TMPRSS13: variants seen among roughly 807,000 people sequenced by gnomAD.
TMPRSS13 encodes the protein transmembrane protease serine 13.
TMPRSS13 carries 50 observed loss-of-function variants against 68.4 expected under a neutral mutation model. The ratio of observed to expected loss-of-function variants is 0.73; its 90% confidence interval spans 0.58 to 0.93. TMPRSS13 has a LOEUF of 0.93. TMPRSS13 is among the 40% of genes least tolerant of loss of function. TMPRSS13 has a pLI of 0.00. For missense variants in TMPRSS13, 615 were observed against 729.2 expected (o/e 0.84, Z 1.80); for synonymous variants, 267 against 285.8 (o/e 0.93, Z 0.66).
rs2057490628 is a variant in TMPRSS13 at position 117,908,792 on chromosome 11, A to T, written c.1110-8T>A. 6.3e-7 allele frequency: 1 copy of T among 1,596,638 alleles called. No homozygotes were observed. Among genetic ancestry groups the T allele is most frequent in the Admixed American group, 1.7e-5 (1 of 58,068 alleles). ...AGGACCTTCTCCCGGGTCCTGCAAG[A>T]GCCACAAAGGAGCGTGGTCCAGTAC... is the stretch of plus-strand genomic sequence containing the variant. On this transcript the variant is annotated splice_polypyrimidine_tract_variant and splice_region_variant and intron_variant, in intron 8 of 12. Transcript: ENST00000524993.
chr11:117,919,890 C>T (rs375213271), intron 1 of TMPRSS13, among the ~76,000 whole-genome samples: 6 of 152,250 alleles, frequency 3.9e-5, no homozygotes, highest in East Asian at 1.9e-4. Context: ...TCGTGAACCA[C>T]GTGTACAGAG....
At chr11:117,911,929 C>G in intron 5 of TMPRSS13, 69 bp from the exon 6 acceptor site, 1 of 1,319,912 alleles carries the variant, frequency 7.6e-7, no homozygotes, top group Non-Finnish European at 1.1e-6. Context: ...CTCCAGCAGG[C>G]TAGAGCCCCA....
rs769777946 is a variant in TMPRSS13 at position 117,922,383 on chromosome 11, C to T, written c.22-3545G>A. Among the ~76,000 whole-genome samples, 17 of 152,284 alleles carry T rather than the reference C, an allele frequency of 1.1e-4. No individual in the cohort carries two copies. Among genetic ancestry groups the T allele is most frequent in the African/African-American group, 2.4e-4 (10 of 41,550 alleles). On this transcript the variant is annotated intron_variant, in intron 1 of 12. Transcript: ENST00000524993. The surrounding 1 kb of genome is among the most constrained non-coding windows in gnomAD (Gnocchi z 4.2). ...CTGAGTACCTGGGACTACAGGCACG[C>T]GCCACTGTGCCCAGCTAATTTTTGT... is the stretch of plus-strand genomic sequence containing the variant.
Position 117,914,523 on chromosome 11 carries a change from A to G in TMPRSS13, c.557-9T>C. 1 of 1,613,750 alleles carries G rather than the reference A, an allele frequency of 6.2e-7. No individual in the cohort carries two copies. The highest frequency in any genetic ancestry group is 8.5e-7 in the Non-Finnish European group (1 of 1,179,946). ...GCCCTGCCAGAACTGGACTAGAGAA[A>G]AAGAAGCAGACAGCTGGGTCATGGC... On this transcript the variant is annotated splice_polypyrimidine_tract_variant and intron_variant, in intron 3 of 12. Coordinates refer to ENST00000524993, the MANE Select transcript of TMPRSS13 (RefSeq NM_001077263.3). This position sits in a 1 kb window ranked among gnomAD's most constrained non-coding sequence, Gnocchi z 4.2.
intron 12 of TMPRSS13, 137 bp downstream of exon 12, chr11:117,903,518 T>C: frequency 2.6e-6 from 4 of 1,552,396 alleles, no homozygotes; most frequent in East Asian, 2.4e-5. Flanking sequence ...GGCATCACAT[T>C]TGACCCTGTC....
rs75896504 is a variant in TMPRSS13, at chr11:117,914,231, G to A, written c.679+161C>T. ...CATGCACACATGCACACACACATAC[G>A]TGCACACACACATACATGCATACAC... On this transcript the variant is annotated intron_variant, in intron 4 of 12. Transcript: ENST00000524993. This position sits in a 1 kb window ranked among gnomAD's most constrained non-coding sequence, Gnocchi z 4.2. Among the ~76,000 whole-genome samples the A allele has an allele frequency of 0.056, 8,479 of 151,952 alleles. 348 individuals are homozygous for A. Among genetic ancestry groups the A allele is most frequent in the East Asian group, 0.12 (619 of 5,168 alleles).
chr11:117,908,116 T>C, intron 9 of TMPRSS13: 1 of 1,044,528 alleles, frequency 9.6e-7, no homozygotes, highest in Non-Finnish European at 1.2e-6. Flanking sequence ...TGCTTGGGAA[T>C]CAGATCGACC....
At chr11:117,905,566 C>T in intron 10 of TMPRSS13, 72 bp downstream of exon 10, 1 of 1,312,606 alleles carries the variant, frequency 7.6e-7, no homozygotes. Flanking sequence ...AGACACATTG[C>T]TTACACACGC....
chr11:117,908,883 G>T, intron 8 of TMPRSS13, 99 bp from the exon 9 acceptor site: 1 of 1,224,568 alleles, frequency 8.2e-7, no homozygotes, highest in Non-Finnish European at 1.1e-6. Flanking sequence ...GCACCAGCTT[G>T]GAGGCAGGAG....
chr11:117,914,448 G>A lies in TMPRSS13; in HGVS notation c.623C>T (p.Ala208Val). The change falls in exon 4 of 13, where the codon GCT becomes GTT. Residue 208 changes from alanine (A) to valine (V), a missense_variant. Coordinates refer to ENST00000524993, the MANE Select transcript of TMPRSS13 (RefSeq NM_001077263.3). The surrounding 1 kb of genome is among the most constrained non-coding windows in gnomAD (Gnocchi z 4.2). ...KEQRESCPKH[A>V]VRCDGVVDCK... ...GTCCACCACCCCGTCACAGCGAACA[G>A]CGTGCTTGGGACAGCTCTCCCTCTG... 6.2e-7 allele frequency: 1 copy of A among 1,614,056 alleles called. No homozygotes were observed. Among genetic ancestry groups the A allele is most frequent in the Non-Finnish European group, 8.5e-7 (1 of 1,180,024 alleles).
chr11:117,902,059 AATGCACACAT>A lies in TMPRSS13; in HGVS notation c.*170_*179del. The A allele has an allele frequency of 4.4e-6, 3 of 679,582 alleles. No homozygotes were observed. The highest frequency in any genetic ancestry group is 7.5e-6 in the Non-Finnish European group (3 of 398,552). 42.1% of individuals were successfully genotyped at this position (679,582 alleles called of 1,614,324 possible). ...TTTCTGAAAAACTTGGGAGAGTGGC[AATGCACACAT>A]ATGCACACACACACACACACACACA... On this transcript the variant is annotated 3_prime_UTR_variant, in exon 13 of 13. Transcript: ENST00000524993.
intron 5 of TMPRSS13, among the ~76,000 whole-genome samples, chr11:117,912,247 G>A (rs2057530628): frequency 6.6e-6 from 1 of 152,206 alleles, no homozygotes; most frequent in Admixed American, 6.5e-5. Context: ...GCACACTCAA[G>A]TTTGAGAAAC....
At position 117,922,520 on chromosome 11, in the gene TMPRSS13, G is replaced by T. The variant is rs574453520; in HGVS notation, c.22-3682C>A. On this transcript the variant is annotated intron_variant, in intron 1 of 12. Transcript: ENST00000524993. The surrounding 1 kb of genome is among the most constrained non-coding windows in gnomAD (Gnocchi z 4.2). The stretch of plus-strand genomic sequence containing the variant: ...TGGGATTACAGGCGTGAGCCACCGC[G>T]CCCAGCCGAGACTTCTTATCCAAGG... Among the ~76,000 whole-genome samples the T allele has an allele frequency of 6.6e-6, 1 of 152,126 alleles. No homozygotes were observed. The highest frequency in any genetic ancestry group is 1.5e-5 in the Non-Finnish European group (1 of 68,012).
intron 7 of TMPRSS13, 102 bp from the exon 8 acceptor site, chr11:117,910,070 G>T (rs2057506707): frequency 2.1e-6 from 3 of 1,442,184 alleles, no homozygotes; most frequent in Admixed American, 3.8e-5. Context: ...GCCAGGACAG[G>T]CTCAGGCAGC....
chr11:117,914,042 G>GCC lies in TMPRSS13; in HGVS notation c.680-137_680-136insGG. On this transcript the variant is annotated intron_variant, in intron 4 of 12. Coordinates refer to ENST00000524993, the MANE Select transcript of TMPRSS13 (RefSeq NM_001077263.3). This position sits in a 1 kb window ranked among gnomAD's most constrained non-coding sequence, Gnocchi z 4.2. ...TTGCTGAGGCCTGGGAAAAGTCCAG[G>GCC]AACATGGCCTGGGTCATGGGGGTTA... 9.2e-7 allele frequency: 1 copy of GCC among 1,091,016 alleles called. No homozygotes were observed. Among genetic ancestry groups the GCC allele is most frequent in the Non-Finnish European group, 1.3e-6 (1 of 770,488 alleles). The allele number at this position is 1,091,016 out of a possible 1,614,324, so 67.6% of individuals were successfully genotyped here.
In TMPRSS13 at chr11:117,929,347, CGAG is replaced by C; in HGVS notation, c.-43_-41del. ...AGAGTCCTCCAGGCTTAGCTGATGT[CGAG>C]GAGAAGATCCATCTTGGTCCCTGGC... On this transcript the variant is annotated 5_prime_UTR_variant, in exon 1 of 13. Coordinates refer to ENST00000524993, the MANE Select transcript of TMPRSS13 (RefSeq NM_001077263.3). The C allele has an allele frequency of 3.1e-6, 5 of 1,596,882 alleles. No individual in the cohort carries two copies. Among genetic ancestry groups the C allele is most frequent in the Non-Finnish European group, 4.3e-6 (5 of 1,170,540 alleles).
Position 117,901,287 on chromosome 11 carries a change from T to C in TMPRSS13, c.*952A>G, listed in dbSNP as rs11823721. Reference sequence around the variant, plus strand: ...CAGAGCCCTGGGATGCAGAAACAGTTTGTGGACCTCGTCGTGTCGGATTTG... The same window carrying C: ...CAGAGCCCTGGGATGCAGAAACAGTCTGTGGACCTCGTCGTGTCGGATTTG... On this transcript the variant is annotated 3_prime_UTR_variant, in exon 13 of 13. Transcript: ENST00000524993. 0.078 allele frequency: 11,867 copies of C among 152,566 alleles called. 507 individuals carry two copies. The highest frequency in any genetic ancestry group is 0.12 in the Middle Eastern group (35 of 294). 9.5% of individuals were successfully genotyped at this position (152,566 alleles called of 1,614,324 possible). A position where few individuals can be genotyped will look rare whatever the true frequency, so the allele number is the denominator to read the frequency against.
At chr11:117,902,911 C>CT in intron 12 of TMPRSS13, 1 of 970,846 alleles carries the variant, frequency 1.0e-6, no homozygotes, top group Non-Finnish European at 1.2e-6. Context: ...AGGGGACTCT[C>CT]TAGGGTGGAT....
At position 117,902,143 on chromosome 11, in the gene TMPRSS13, C is replaced by T. The variant is rs966050971; in HGVS notation, c.*96G>A. ...GTGGAGGTGGGAGTCCGATGGTGCC[C>T]GGTGGCCATTAGCCCAGATGATGCC... On this transcript the variant is annotated 3_prime_UTR_variant, in exon 13 of 13. Coordinates refer to ENST00000524993, the MANE Select transcript of TMPRSS13 (RefSeq NM_001077263.3). 7 of 1,399,096 alleles carry T rather than the reference C, an allele frequency of 5.0e-6. No homozygotes were observed. Among genetic ancestry groups the T allele is most frequent in the East Asian group, 2.4e-5 (1 of 42,310 alleles). 86.7% of individuals were successfully genotyped at this position (1,399,096 alleles called of 1,614,324 possible).
Sources: allele counts gnomAD v4.1 joint callset (sites outside exome capture counted in the v4.1 genomes callset), GRCh38; gene constraint gnomAD v4.1.1; non-coding constraint Gnocchi (gnomAD v3.1); transcripts MANE v1.5; gene names NCBI Gene and HGNC (gene_info 2026-07-23, HGNC 2026-07-21).